The following GABRA2 variants were observed in gnomAD, a reference collection of about 807,000 sequenced individuals.
GABRA2 encodes gamma-aminobutyric acid receptor subunit alpha-2.
A neutral mutation model predicts 48.7 loss-of-function variants in GABRA2; 16 were observed. That is an observed-to-expected ratio of 0.33 (90% CI 0.22 to 0.50). The LOEUF (loss-of-function observed/expected upper bound fraction) is 0.50. GABRA2 is among the 20% of genes least tolerant of loss of function. The pLI is 0.98. For missense variants in GABRA2, 275 were observed against 535.6 expected (o/e 0.51, Z 4.80); for synonymous variants, 185 against 184.5 (o/e 1.00, Z -0.02).
At chr4:46,356,371 T>C (rs1166847963) in intron 3 of GABRA2, among the ~76,000 whole-genome samples, 3 of 149,732 alleles carry the variant, frequency 2.0e-5, no homozygotes, top group Non-Finnish European at 3.0e-5. Flanking sequence ...TGCTGCAGTC[T>C]CTCCACACCC....
intron 8 of GABRA2, among the ~76,000 whole-genome samples, chr4:46,293,360 C>T (rs1724034278): frequency 2.0e-5 from 3 of 152,126 alleles, no homozygotes; most frequent in African/African-American, 2.4e-5. Context: ...CCCATTCTTC[C>T]CCAAGGAGAC....
intron 8 of GABRA2, among the ~76,000 whole-genome samples, chr4:46,280,005 G>C (rs560983103): frequency 6.6e-6 from 1 of 151,286 alleles, no homozygotes; most frequent in East Asian, 1.9e-4. Context: ...ATATTTATTA[G>C]GTACCTACTA....
intron 2 of GABRA2, among the ~76,000 whole-genome samples, chr4:46,388,420 A>C (rs2109388999): frequency 6.6e-6 from 1 of 152,336 alleles, no homozygotes; most frequent in South Asian, 2.1e-4. Flanking sequence ...AATGTTCTGC[A>C]TGGAAAGTGT....
Position 46,255,169 on chromosome 4 carries a change from C to T in GABRA2, c.1060-4565G>A, listed in dbSNP as rs137967077. Among the ~76,000 whole-genome samples, 10 of 151,540 alleles carry T rather than the reference C, an allele frequency of 6.6e-5. No individual in the cohort carries two copies. The Admixed American group carries it at 6.6e-4, about 10-fold the overall frequency. On this transcript the variant is annotated intron_variant, in intron 9 of 9. Transcript: ENST00000381620. ...GGCACAGACTGTGTATTGCAGAGTT[C>T]CTAGCATAGTTCCTGGCTCAGAGCA... is the stretch of plus-strand genomic sequence containing the variant.
At chr4:46,368,118 C>T (rs1714327577) in intron 3 of GABRA2, 1 of 152,120 alleles carries the variant, frequency 6.6e-6, no homozygotes, top group Non-Finnish European at 1.5e-5. Context: ...AGAGCCCATT[C>T]CTACATGCCA....
At chr4:46,310,360 G>T in intron 5 of GABRA2, 105 bp from the exon 6 acceptor site, 1 of 665,342 alleles carries the variant, frequency 1.5e-6, no homozygotes, top group Non-Finnish European at 2.6e-6. Context: ...ATTAATCACA[G>T]CAGTAGGCTC....
rs1578260041 is a variant in GABRA2 at position 46,388,775 on chromosome 4, A to C, written c.-10-59T>G. 8 of 1,611,030 alleles carry C rather than the reference A, an allele frequency of 5.0e-6. No individual in the cohort carries two copies. The East Asian group carries it at 1.8e-4, about 36-fold the overall frequency. Reference sequence around the variant, plus strand: ...ACTTAAAATTGCCTTCAGTTTCACTATCCAAGTAACCCCAAAGAATATCCT... The same window carrying C: ...ACTTAAAATTGCCTTCAGTTTCACTCTCCAAGTAACCCCAAAGAATATCCT... On this transcript the variant is annotated intron_variant, in intron 1 of 9. Transcript: ENST00000381620.
intron 3 of GABRA2, among the ~76,000 whole-genome samples, chr4:46,358,512 G>C (rs1414854362): frequency 3.3e-5 from 5 of 152,132 alleles, no homozygotes; most frequent in Non-Finnish European, 7.3e-5. Context: ...GAGATGGTAG[G>C]TCTCTAAATA....
chr4:46,294,118 T>C (rs1318706645), intron 8 of GABRA2, among the ~76,000 whole-genome samples: 1 of 152,172 alleles, frequency 6.6e-6, no homozygotes, highest in African/African-American at 2.4e-5. Flanking sequence ...ACATCAGGGG[T>C]ATATCAACTC....
intron 5 of GABRA2, among the ~76,000 whole-genome samples, 193 bp downstream of exon 5, chr4:46,312,303 G>A (rs1398744921): frequency 1.3e-5 from 2 of 152,076 alleles, no homozygotes; most frequent in Non-Finnish European, 2.9e-5. Context: ...GAACTAAGAT[G>A]AGACTCAAAC....
At position 46,245,435 on chromosome 4, in the gene GABRA2, T is replaced by TA. The variant is rs201732404; in HGVS notation, c.*4872dup. Among the ~76,000 whole-genome samples, 1,735 of 150,456 alleles carry TA rather than the reference T, an allele frequency of 0.012. 38 individuals carry two copies. The highest frequency in any genetic ancestry group is 0.04 in the African/African-American group (1,637 of 41,240). ...GATCATTTTGAATTTAATCTTTTTT[T>TA]AAAAAAAAACTAGAAATACATTCGA... On this transcript the variant is annotated 3_prime_UTR_variant, in exon 10 of 10. Transcript: ENST00000381620.
Position 46,310,122 on chromosome 4 carries a change from C to A in GABRA2, c.559+51G>T, listed in dbSNP as rs377164195. 14 of 1,357,200 alleles carry A rather than the reference C, an allele frequency of 1.0e-5. No homozygotes were observed. In the African/African-American group the frequency reaches 1.9e-4, roughly 18 times the overall value. The allele number at this position is 1,357,200 out of a possible 1,614,324, so 84.1% of individuals were successfully genotyped here. ...CTAGACAATTGAGCAGTGCTGCTGA[C>A]TTTCCCTGATATTATTGACCCAAAA... On this transcript the variant is annotated intron_variant, in intron 6 of 9. Transcript: ENST00000381620.
intron 4 of GABRA2, among the ~76,000 whole-genome samples, chr4:46,313,190 CAG>C (rs1401854900): frequency 1.3e-5 from 2 of 148,428 alleles, no homozygotes; most frequent in African/African-American, 4.9e-5. Context: ...AAAAACATAA[CAG>C]AAAAAATTAA....
intron 3 of GABRA2, among the ~76,000 whole-genome samples, chr4:46,354,036 T>TA (rs1735579729): frequency 6.6e-6 from 1 of 152,174 alleles, no homozygotes; most frequent in Admixed American, 6.6e-5. Flanking sequence ...GAAGAATTAA[T>TA]AAAAAATAGT....
intron 9 of GABRA2, chr4:46,260,935 C>T (rs996406791): frequency 6.6e-6 from 1 of 151,760 alleles, no homozygotes; most frequent in African/African-American, 2.4e-5. Context: ...TAAACTGTAA[C>T]ATGGTCATAG....
chr4:46,256,946 T>C (rs1715960734), intron 9 of GABRA2, among the ~76,000 whole-genome samples: 2 of 151,682 alleles, frequency 1.3e-5, no homozygotes, highest in Non-Finnish European at 3.0e-5. Flanking sequence ...TTCTATAATT[T>C]CCTTAGCCAG....
chr4:46,370,396 AAAAC>A (rs374196951), intron 3 of GABRA2, among the ~76,000 whole-genome samples: 4 of 152,064 alleles, frequency 2.6e-5, no homozygotes, highest in Admixed American at 6.6e-5. Flanking sequence ...GTAGAGGGAC[AAAAC>A]AAACAAACAA....
At chr4:46,336,151 T>C (rs1732198264) in intron 3 of GABRA2, among the ~76,000 whole-genome samples, 1 of 152,214 alleles carries the variant, frequency 6.6e-6, no homozygotes, top group Non-Finnish European at 1.5e-5. Flanking sequence ...ACATGTTACA[T>C]GCTGTATGTT....
chr4:46,254,758 CA>C, intron 9 of GABRA2, among the ~76,000 whole-genome samples: 1 of 151,408 alleles, frequency 6.6e-6, no homozygotes, highest in Non-Finnish European at 1.5e-5. Context: ...AATTCTTAAC[CA>C]CTAAATTTCA....
Sources: allele counts gnomAD v4.1 joint callset (sites outside exome capture counted in the v4.1 genomes callset), GRCh38; gene constraint gnomAD v4.1.1; transcripts MANE v1.5; gene names NCBI Gene and HGNC (gene_info 2026-07-23, HGNC 2026-07-21).